The following PCNX1 variants were observed in gnomAD, a reference collection of about 807,000 sequenced individuals.
PCNX1 encodes the protein pecanex-like protein 1.
PCNX1 carries 78 observed loss-of-function variants against 242.2 expected under a neutral mutation model. The observed-to-expected ratio is 0.32, with a 90% CI of 0.27 to 0.39. PCNX1 has a LOEUF of 0.39. Among genes scored for constraint, PCNX1 ranks in the 10% least tolerant of loss-of-function variants. The pLI, the probability that PCNX1 is intolerant of heterozygous loss-of-function variation, is 1.00. For synonymous variants in PCNX1, 1,024 were observed against 1,032.9 expected (o/e 0.99, Z 0.17); for missense variants, 2,581 against 2,856.5 (o/e 0.90, Z 2.20).
chr14:71,108,664 C>T lies in PCNX1; in HGVS notation c.6362C>T (p.Ala2121Val). The change falls in exon 34 of 36, where the codon GCC becomes GTC. Residue 2121 changes from alanine (A) to valine (V), a missense_variant. Transcript: ENST00000304743. ...SGLVRQSPARASVASQSSYCY... is the reference protein window; with the variant it reads ...SGLVRQSPARVSVASQSSYCY... The stretch of plus-strand genomic sequence containing the variant: ...CTGGTCAGACAGTCTCCTGCCCGGG[C>T]CTCAGTAGCCAGCCAGTCTTCCTAC... 9.9e-6 allele frequency: 16 copies of T among 1,614,210 alleles called. No individual in the cohort carries two copies. The highest frequency in any genetic ancestry group is 1.4e-5 in the Non-Finnish European group (16 of 1,180,026).
chr14:71,062,388 A>T (rs2061347737), intron 26 of PCNX1, among the ~76,000 whole-genome samples: 1 of 152,082 alleles, frequency 6.6e-6, no homozygotes, highest in Admixed American at 6.6e-5. Context: ...AAGCTTAAAA[A>T]GTAAAAAAAT....
At chr14:71,041,154 TC>T (rs2060692579) in intron 19 of PCNX1, among the ~76,000 whole-genome samples, 1 of 152,188 alleles carries the variant, frequency 6.6e-6, no homozygotes, top group South Asian at 2.1e-4. Flanking sequence ...AGATATCCCT[TC>T]AATAAAATTG....
chr14:70,957,973 G>T (rs915046350), intron 2 of PCNX1, among the ~76,000 whole-genome samples: 2 of 152,096 alleles, frequency 1.3e-5, no homozygotes, highest in Non-Finnish European at 2.9e-5. Flanking sequence ...TTCTAGTGGA[G>T]AAACCATAAT....
At chr14:71,014,448 A>G (rs1240838763) in intron 11 of PCNX1, among the ~76,000 whole-genome samples, 1 of 152,212 alleles carries the variant, frequency 6.6e-6, no homozygotes, top group African/African-American at 2.4e-5. Context: ...TTAAATAGAT[A>G]CTAGAATTAG....
chr14:70,960,955 C>G (rs539879096), intron 2 of PCNX1, among the ~76,000 whole-genome samples: 1 of 152,136 alleles, frequency 6.6e-6, no homozygotes, highest in Non-Finnish European at 1.5e-5. Context: ...ATCCAACTTA[C>G]AAGGGATGTG....
At chr14:71,096,298 C>T (rs1485838357) in intron 30 of PCNX1, among the ~76,000 whole-genome samples, 1 of 151,606 alleles carries the variant, frequency 6.6e-6, no homozygotes, top group Non-Finnish European at 1.5e-5. Context: ...AGCCTGGAGA[C>T]AGAGCTAGAC....
intron 6 of PCNX1, among the ~76,000 whole-genome samples, chr14:70,982,236 A>C (rs188390984): frequency 1.3e-5 from 2 of 152,198 alleles, no homozygotes; most frequent in Non-Finnish European, 2.9e-5. Context: ...ACTAAATAGA[A>C]GGACTCTCAA....
At chr14:70,921,271 C>T (rs1445370580) in intron 1 of PCNX1, among the ~76,000 whole-genome samples, 1 of 152,118 alleles carries the variant, frequency 6.6e-6, no homozygotes, top group African/African-American at 2.4e-5. Flanking sequence ...TCATGACCCT[C>T]ATGACAAAAC....
rs1227354979 is a variant in PCNX1, at chr14:71,112,996, G to C, written c.*3061G>C. On this transcript the variant is annotated 3_prime_UTR_variant, in exon 36 of 36. Coordinates refer to ENST00000304743, the MANE Select transcript of PCNX1 (RefSeq NM_014982.3). The stretch of plus-strand genomic sequence containing the variant: ...GGTTAATCTTCCAACTTATACCTTG[G>C]TGTGAACTCTCTTTTTACACCATTT... 6.6e-6 allele frequency: 1 copy of C among 151,998 alleles called. No homozygotes were observed. Among genetic ancestry groups the C allele is most frequent in the East Asian group, 1.9e-4 (1 of 5,196 alleles). The allele number at this position is 151,998 out of a possible 1,614,324, so 9.4% of individuals were successfully genotyped here.
At chr14:70,918,888 T>G (rs1247339877) in intron 1 of PCNX1, among the ~76,000 whole-genome samples, 2 of 151,476 alleles carry the variant, frequency 1.3e-5, no homozygotes, top group Middle Eastern at 3.4e-3. Flanking sequence ...TTTTTGGTTT[T>G]TTTTTTTTTT....
Position 71,011,517 on chromosome 14 carries a change from TC to T in PCNX1, c.2747del (p.Ser916LeufsTer19). 1 of 1,575,718 alleles carries T rather than the reference TC, an allele frequency of 6.3e-7. No individual in the cohort carries two copies. Among genetic ancestry groups the T allele is most frequent in the Non-Finnish European group, 8.7e-7 (1 of 1,147,076 alleles). ...ICDTDSHVSSSTSVRFYPHDV... is the reference protein window; with the variant it reads ...ICDTDSHVSSXTSVRFYPHDV... ...TGACACAGATTCTCATGTATCCAGT[TC>T]TACCTCAGTTCGATTTTATCCACAT... On this transcript the variant is annotated frameshift_variant, in exon 10 of 36. Coordinates refer to ENST00000304743, the MANE Select transcript of PCNX1 (RefSeq NM_014982.3). LOFTEE classifies it high-confidence loss of function.
Position 70,977,009 on chromosome 14 carries a change from C to G in PCNX1, c.672C>G (p.Ser224=), listed in dbSNP as rs139960080. The change falls in exon 6 of 36, where the codon TCC becomes TCG. Residue 224 remains serine, a synonymous_variant. Coordinates refer to ENST00000304743, the MANE Select transcript of PCNX1 (RefSeq NM_014982.3). ...SNDSFISIQP[S]LSSCGQDLPR... ...ACTCCTTCATCTCTATTCAGCCTTC[C>G]TTATCCTCTTGTGGACAGGACTTGC... 1 of 1,613,996 alleles carries G rather than the reference C, an allele frequency of 6.2e-7. No individual in the cohort carries two copies. Among genetic ancestry groups the G allele is most frequent in the Non-Finnish European group, 8.5e-7 (1 of 1,180,014 alleles).
chr14:71,033,441 G>A lies in PCNX1; in HGVS notation c.3571G>A (p.Gly1191Ser), dbSNP rs753443943. ...CYGALKDSWD[G>S]QHIPVLFSIF... ...CATTTTTCCGCAGGATTCTTGGGAT[G>A]GCCAGCATATTCCAGTACTTTTCTC... Residue 1191 changes from glycine (G) to serine (S), a missense_variant, in exon 17 of 36, where the codon GGC becomes AGC. Transcript: ENST00000304743. The A allele has an allele frequency of 2.8e-5, 44 of 1,582,938 alleles. No individual in the cohort carries two copies. The highest frequency in any genetic ancestry group is 3.7e-5 in the Non-Finnish European group (43 of 1,153,368).
At chr14:71,058,613 G>GTCAGA (rs1385461198) in intron 26 of PCNX1, among the ~76,000 whole-genome samples, 2 of 152,200 alleles carry the variant, frequency 1.3e-5, no homozygotes, top group Non-Finnish European at 2.9e-5. Context: ...AGAGAAGGAA[G>GTCAGA]TCAGATCTAT....
At position 71,110,201 on chromosome 14, in the gene PCNX1, A is replaced by C; in HGVS notation, c.*266A>C. The C allele has an allele frequency of 2.2e-6, 1 of 458,894 alleles. No individual in the cohort carries two copies. Among genetic ancestry groups the C allele is most frequent in the Admixed American group, 3.5e-5 (1 of 28,350 alleles). The allele number at this position is 458,894 out of a possible 1,614,324, so 28.4% of individuals were successfully genotyped here. A position where few individuals can be genotyped will look rare whatever the true frequency, so the allele number is the denominator to read the frequency against. ...ATGAAGGATAAAGTTCTGTTAAAAT[A>C]CATCCTTAAAAAAAGTTTTTCCTAT... On this transcript the variant is annotated 3_prime_UTR_variant, in exon 36 of 36. Coordinates refer to ENST00000304743, the MANE Select transcript of PCNX1 (RefSeq NM_014982.3).
At chr14:70,982,145 A>C (rs2058858187) in intron 6 of PCNX1, among the ~76,000 whole-genome samples, 1 of 152,212 alleles carries the variant, frequency 6.6e-6, no homozygotes, top group Admixed American at 6.5e-5. Context: ...GTTATTTTGT[A>C]CCCAGATATC....
intron 30 of PCNX1, among the ~76,000 whole-genome samples, chr14:71,090,446 AGT>A (rs1423431926): frequency 6.6e-6 from 1 of 152,214 alleles, no homozygotes; most frequent in Non-Finnish European, 1.5e-5. Flanking sequence ...TATAATCTAA[AGT>A]GTGGGAATTA....
chr14:71,098,915 C>G (rs1425173475), intron 30 of PCNX1, among the ~76,000 whole-genome samples: 1 of 152,084 alleles, frequency 6.6e-6, no homozygotes. Flanking sequence ...TTTCCCCATT[C>G]AGTATGAGGG....
In PCNX1 at chr14:71,113,403, A is replaced by G. The variant is rs1475434863; in HGVS notation, c.*3468A>G. On this transcript the variant is annotated 3_prime_UTR_variant, in exon 36 of 36. Transcript: ENST00000304743. The stretch of plus-strand genomic sequence containing the variant: ...GCAATGAAAATGTAAGTTTTTGTGT[A>G]GAAAACCCATTAAGAAGATGTGTTT... 1 of 152,684 alleles carries G rather than the reference A, an allele frequency of 6.5e-6. No homozygotes were observed. Among genetic ancestry groups the G allele is most frequent in the Non-Finnish European group, 1.5e-5 (1 of 68,052 alleles). The allele number at this position is 152,684 out of a possible 1,614,324, so 9.5% of individuals were successfully genotyped here.
Sources: gnomAD v4.1 joint callset for allele counts (sites outside exome capture counted in the v4.1 genomes callset) on GRCh38, gnomAD v4.1.1 for gene constraint, MANE v1.5 for transcripts, NCBI Gene and HGNC (gene_info 2026-07-23, HGNC 2026-07-21) for gene names.